The following ARSJ variants were observed in gnomAD, a reference collection of about 807,000 sequenced individuals.
The protein encoded by ARSJ is arylsulfatase family member J, also known as arylsulfatase J.
Under a neutral mutation model 35.9 loss-of-function variants are expected in ARSJ, and 26 were observed. The ratio of observed to expected loss-of-function variants is 0.72; its 90% CI spans 0.53 to 1.00. ARSJ has a LOEUF of 1.00. Among genes scored for constraint, ARSJ ranks in the 50% least tolerant of loss-of-function variants. ARSJ has a pLI of 0.00. For synonymous variants in ARSJ, 294 were observed against 267.6 expected, an observed-to-expected ratio of 1.10 and a Z score of -0.96; for missense variants, 667 against 723.6, an observed-to-expected ratio of 0.92 and a Z score of 0.90.
intron 1 of ARSJ, among the ~76,000 whole-genome samples, chr4:113,919,557 C>A (rs1452174117): frequency 6.6e-6 from 1 of 152,184 alleles, no homozygotes; most frequent in Non-Finnish European, 1.5e-5. Flanking sequence ...GACCACATGG[C>A]TTTCAGGTCA....
intron 1 of ARSJ, among the ~76,000 whole-genome samples, chr4:113,941,869 T>C (rs1157452047): frequency 6.6e-6 from 1 of 151,992 alleles, no homozygotes; most frequent in Non-Finnish European, 1.5e-5. Context: ...CAGATAACAT[T>C]ATTATTATGG....
chr4:113,934,293 T>G (rs1397967884), intron 1 of ARSJ, among the ~76,000 whole-genome samples: 1 of 151,796 alleles, frequency 6.6e-6, no homozygotes, highest in Non-Finnish European at 1.5e-5. Flanking sequence ...TGCACTCCCA[T>G]GTTTACTGAA....
rs1185423641 is a variant in ARSJ at position 113,912,444 on chromosome 4, G to T, written c.399-8769C>A. Among the ~76,000 whole-genome samples the T allele has an allele frequency of 2.6e-5, 4 of 152,154 alleles. No homozygotes were observed. The East Asian group carries it at 7.7e-4, about 29-fold the overall frequency. The stretch of plus-strand genomic sequence containing the variant: ...ACCAGATTATAGTGGATTGAGACAT[G>T]AATGGAAAGTGAAAACGTATAGATG... On this transcript the variant is annotated intron_variant, in intron 1 of 1. Coordinates refer to ENST00000315366, the MANE Select transcript of ARSJ (RefSeq NM_024590.4).
chr4:113,922,690 C>G (rs143492112), intron 1 of ARSJ, among the ~76,000 whole-genome samples: 6 of 152,228 alleles, frequency 3.9e-5, no homozygotes, highest in Admixed American at 3.9e-4. Context: ...AACAGTGTAA[C>G]AATTTAGAAT....
At chr4:113,903,731 T>A in intron 1 of ARSJ, 56 bp from the exon 2 acceptor site, 1 of 1,508,298 alleles carries the variant, frequency 6.6e-7, no homozygotes, top group Non-Finnish European at 8.9e-7. Context: ...ATATTCTACA[T>A]AAAACAATGA....
In ARSJ at chr4:113,978,557, T is replaced by G; in HGVS notation, c.278A>C (p.Tyr93Ser). 1 of 1,614,250 alleles carries G rather than the reference T, an allele frequency of 6.2e-7. No individual in the cohort carries two copies. The highest frequency in any genetic ancestry group is 8.5e-7 in the Non-Finnish European group (1 of 1,180,036). Reference protein sequence around the residue: ...ADDQGFRDVGYHGSEIKTPTL... With the variant: ...ADDQGFRDVGSHGSEIKTPTL... ...AGGTGTTTTAATCTCAGATCCGTGG[T>G]AACCCACATCTCTAAATCCCTGATC... is the stretch of plus-strand genomic sequence containing the variant. The change falls in exon 1 of 2, where the codon TAC (tyrosine) becomes TCC (serine). Residue 93 changes from tyrosine to serine, a missense_variant. Coordinates refer to ENST00000315366, the MANE Select transcript of ARSJ (RefSeq NM_024590.4).
chr4:113,953,294 G>C (rs775515987), intron 1 of ARSJ, among the ~76,000 whole-genome samples: 2 of 151,950 alleles, frequency 1.3e-5, no homozygotes, highest in Non-Finnish European at 2.9e-5. Context: ...TAGAATTTGC[G>C]GTGAGTGGAC....
chr4:113,964,882 C>G (rs1399786871), intron 1 of ARSJ, among the ~76,000 whole-genome samples: 2 of 151,910 alleles, frequency 1.3e-5, no homozygotes, highest in Non-Finnish European at 2.9e-5. Context: ...ATACATTGCT[C>G]TATTATATAC....
chr4:113,940,119 C>T (rs1725050287), intron 1 of ARSJ, among the ~76,000 whole-genome samples: 1 of 152,080 alleles, frequency 6.6e-6, no homozygotes, highest in Non-Finnish European at 1.5e-5. Flanking sequence ...CACCATTTGC[C>T]CCAGCAATTT....
chr4:113,931,535 G>A (rs1452871720), intron 1 of ARSJ, among the ~76,000 whole-genome samples: 1 of 152,036 alleles, frequency 6.6e-6, no homozygotes, highest in Non-Finnish European at 1.5e-5. Flanking sequence ...TATGTTACTA[G>A]TATTTCTATA....
chr4:113,944,406 A>G (rs1462351188), intron 1 of ARSJ: 2 of 152,108 alleles, frequency 1.3e-5, no homozygotes, highest in African/African-American at 4.8e-5. Context: ...GTAGGCAGGT[A>G]TCTTAGGTTT....
At chr4:113,930,852 A>C (rs1724395148) in intron 1 of ARSJ, among the ~76,000 whole-genome samples, 2 of 150,926 alleles carry the variant, frequency 1.3e-5, no homozygotes, top group Non-Finnish European at 2.9e-5. Context: ...GCCATAAAAA[A>C]TGATGAGTTC....
At chr4:113,935,243 G>T (rs1466195249) in intron 1 of ARSJ, among the ~76,000 whole-genome samples, 1 of 151,836 alleles carries the variant, frequency 6.6e-6, no homozygotes, top group Non-Finnish European at 1.5e-5. Context: ...ATGATAATTT[G>T]CAATGTAAAT....
rs1186738842 is a variant in ARSJ at position 113,900,755 on chromosome 4, A to C, written c.*1519T>G. ...GAAAACACCAGGGTCTACAGGATCC[A>C]CACCAATCTATGCTCATTGATGACC... On this transcript the variant is annotated 3_prime_UTR_variant, in exon 2 of 2. Coordinates refer to ENST00000315366, the MANE Select transcript of ARSJ (RefSeq NM_024590.4). The C allele has an allele frequency of 1.3e-5, 2 of 152,218 alleles. No homozygotes were observed. The highest frequency in any genetic ancestry group is 2.4e-5 in the African/African-American group (1 of 41,458). 9.4% of individuals were successfully genotyped at this position (152,218 alleles called of 1,614,324 possible). A position where few individuals can be genotyped will look rare whatever the true frequency, so the allele number is the denominator to read the frequency against.
In ARSJ at chr4:113,941,654, A is replaced by G. The variant is rs546500910; in HGVS notation, c.398+36783T>C. Among the ~76,000 whole-genome samples the G allele has an allele frequency of 3.0e-3, 386 of 129,062 alleles. 1 individual carries two copies. The highest frequency in any genetic ancestry group is 0.012 in the African/African-American group (361 of 30,114). The allele number at this position is 129,062 out of a possible 152,430, so 84.7% of individuals were successfully genotyped here. ...TATATAATGTGTAAGGCACCAAATG[A>G]AACTCTGCAGTAGAAACAAAAATAA... is the stretch of plus-strand genomic sequence containing the variant. On this transcript the variant is annotated intron_variant, in intron 1 of 1. Transcript: ENST00000315366.
At chr4:113,903,701 A>T in intron 1 of ARSJ, 26 bp from the exon 2 acceptor site, 1 of 1,572,834 alleles carries the variant, frequency 6.4e-7, no homozygotes, top group Non-Finnish European at 8.7e-7. Flanking sequence ...AAAAATTGTT[A>T]TCAGGGCAGG....
In ARSJ at chr4:113,959,887, T is replaced by G. The variant is rs566527407; in HGVS notation, c.398+18550A>C. ...TATTTTAGTTAATTTTACTGTGATC[T>G]ATCAGCCACCCAATAGATTTTTTTT... is the stretch of plus-strand genomic sequence containing the variant. On this transcript the variant is annotated intron_variant, in intron 1 of 1. Transcript: ENST00000315366. Among the ~76,000 whole-genome samples the G allele has an allele frequency of 4.6e-5, 7 of 152,228 alleles. 1 individual carries two copies. The highest frequency in any genetic ancestry group is 6.8e-3 in the Middle Eastern group (2 of 294).
intron 1 of ARSJ, among the ~76,000 whole-genome samples, chr4:113,950,291 T>C (rs1018550660): frequency 4.6e-5 from 7 of 152,040 alleles, no homozygotes; most frequent in Non-Finnish European, 1.0e-4. Flanking sequence ...ATTCTAACCC[T>C]CCCCCTTCCT....
intron 1 of ARSJ, among the ~76,000 whole-genome samples, chr4:113,974,821 A>G (rs1303707734): frequency 6.6e-6 from 1 of 152,210 alleles, no homozygotes; most frequent in Non-Finnish European, 1.5e-5. Flanking sequence ...TTCTTGATAG[A>G]TATCTAAGAG....
Sources: gnomAD v4.1 joint callset for allele counts (sites outside exome capture counted in the v4.1 genomes callset) on GRCh38, gnomAD v4.1.1 for gene constraint, MANE v1.5 for transcripts, NCBI Gene and HGNC (gene_info 2026-07-23, HGNC 2026-07-21) for gene names.